LAMA3: variants seen among roughly 807,000 people sequenced by gnomAD.
The protein encoded by LAMA3 is laminin subunit alpha 3, also known as laminin subunit alpha-3.
Under a neutral mutation model 402.0 loss-of-function variants are expected in LAMA3, and 281 were observed. That is an observed-to-expected ratio of 0.70 (90% CI 0.63 to 0.77). LAMA3 has a LOEUF of 0.77. Ranked by LOEUF, LAMA3 falls within the 30% of genes least tolerant of loss-of-function variation. The pLI is 0.00. For missense variants in LAMA3, 3,840 were observed against 4,215.5 expected (o/e 0.91, Z 2.47); for synonymous variants, 1,431 against 1,558.4 (o/e 0.92, Z 1.93).
chr18:23,861,172 CT>C (rs144307749), intron 34 of LAMA3, among the ~76,000 whole-genome samples: 17 of 148,804 alleles, frequency 1.1e-4, no homozygotes, highest in South Asian at 8.5e-4. Flanking sequence ...TCAGTTCTTT[CT>C]TTTTTTTTTA....
chr18:23,865,257 G>A (rs549709206), intron 36 of LAMA3, among the ~76,000 whole-genome samples: 6 of 152,204 alleles, frequency 3.9e-5, no homozygotes, highest in South Asian at 4.1e-4. Context: ...GCCTCCCCAA[G>A]CACTGGAGTT....
chr18:23,902,184 G>C (rs1041807466), intron 48 of LAMA3, among the ~76,000 whole-genome samples: 6 of 152,176 alleles, frequency 3.9e-5, no homozygotes, highest in Admixed American at 1.3e-4. Flanking sequence ...AAATTAGCTG[G>C]TCATAGTGGC....
Position 23,758,531 on chromosome 18 carries a change from G to T in LAMA3, c.1063+20G>T, listed in dbSNP as rs2061900583. ...GTGAAGGTGGGTGTGGGGATGGGGT[G>T]GGGGCCACACGTGGCCTTCTCCCCC... is the stretch of plus-strand genomic sequence containing the variant. On this transcript the variant is annotated intron_variant, in intron 7 of 74. Coordinates refer to ENST00000313654, the MANE Select transcript of LAMA3 (RefSeq NM_198129.4). 2 of 1,551,304 alleles carry T rather than the reference G, an allele frequency of 1.3e-6. No individual in the cohort carries two copies. Among genetic ancestry groups the T allele is most frequent in the African/African-American group, 1.6e-5 (1 of 60,948 alleles).
intron 58 of LAMA3, 61 bp downstream of exon 58, chr18:23,914,921 A>G: frequency 7.6e-7 from 1 of 1,308,080 alleles, no homozygotes; most frequent in East Asian, 2.4e-5. Context: ...TATGGTGATG[A>G]CCTCATGTCT....
rs979110303 is a variant in LAMA3, at chr18:23,879,622, C to T, written c.5113-2314C>T. Among the ~76,000 whole-genome samples the T allele has an allele frequency of 6.6e-6, 1 of 152,188 alleles. No homozygotes were observed. The highest frequency in any genetic ancestry group is 1.9e-4 in the East Asian group (1 of 5,202). On this transcript the variant is annotated intron_variant, in intron 39 of 74. Transcript: ENST00000313654. This position sits in a 1 kb window ranked among gnomAD's most constrained non-coding sequence, Gnocchi z 4.2. Reference sequence around the variant, plus strand: ...GGTGACAAATGGAGCTAGGAGAGCACGTGCCATGGGAGTGGACGTGGGCTT... The same window carrying T: ...GGTGACAAATGGAGCTAGGAGAGCATGTGCCATGGGAGTGGACGTGGGCTT...
rs886748050 is a variant in LAMA3 at position 23,757,124 on chromosome 18, G to A, written c.948-1272G>A. On this transcript the variant is annotated intron_variant, in intron 6 of 74. Transcript: ENST00000313654. ...AAACCCAGCCTCCTGGACCAACCCAGCCCGGAATTAGAAGCCTAGGACGCC... is the reference window on the plus strand; with the variant it reads ...AAACCCAGCCTCCTGGACCAACCCAACCCGGAATTAGAAGCCTAGGACGCC... Among the ~76,000 whole-genome samples, 68 of 151,996 alleles carry A rather than the reference G, an allele frequency of 4.5e-4. 1 individual carries two copies. Among genetic ancestry groups the A allele is most frequent in the African/African-American group, 1.6e-3 (65 of 41,482 alleles).
Position 23,815,591 on chromosome 18 carries a change from G to A in LAMA3, c.2047+18G>A. 1 of 1,520,306 alleles carries A rather than the reference G, an allele frequency of 6.6e-7. No individual in the cohort carries two copies. Among genetic ancestry groups the A allele is most frequent in the Non-Finnish European group, 9.1e-7 (1 of 1,094,490 alleles). The allele number at this position is 1,520,306 out of a possible 1,614,324, so 94.2% of individuals were successfully genotyped here. On this transcript the variant is annotated intron_variant, in intron 17 of 74. Transcript: ENST00000313654. ...GTGTCAAGGTAAATAAGTCCATTGG[G>A]CCCTGAGCAAAGCACAGTGTTGATG... is the stretch of plus-strand genomic sequence containing the variant.
chr18:23,949,751 C>T lies in LAMA3; in HGVS notation c.9352-14C>T. On this transcript the variant is annotated splice_polypyrimidine_tract_variant and intron_variant, in intron 70 of 74. Coordinates refer to ENST00000313654, the MANE Select transcript of LAMA3 (RefSeq NM_198129.4). ...GTGTAGGTAATGAGCTTTTTCTTTT[C>T]TGCTTGGTTGCAGAGCCTCCCCACA... 1 of 1,613,646 alleles carries T rather than the reference C, an allele frequency of 6.2e-7. No homozygotes were observed. Among genetic ancestry groups the T allele is most frequent in the Non-Finnish European group, 8.5e-7 (1 of 1,179,922 alleles).
At chr18:23,863,444 C>CAACAA (rs1012021140) in intron 35 of LAMA3, among the ~76,000 whole-genome samples, 33 of 152,128 alleles carry the variant, frequency 2.2e-4, no homozygotes, top group Non-Finnish European at 1.8e-4. Context: ...GACTCCATCT[C>CAACAA]AACAAAACAA....
In LAMA3 at chr18:23,725,311, G is replaced by A. The variant is rs540503590; in HGVS notation, c.447+11239G>A. Among the ~76,000 whole-genome samples, 21 of 152,214 alleles carry A rather than the reference G, an allele frequency of 1.4e-4. No homozygotes were observed. The South Asian group carries it at 1.7e-3, about 12-fold the overall frequency. On this transcript the variant is annotated intron_variant, in intron 2 of 74. Coordinates refer to ENST00000313654, the MANE Select transcript of LAMA3 (RefSeq NM_198129.4). Reference sequence around the variant, plus strand: ...TTTTTAGTAGAGACGGGGTTCCACCGTGTTGGTCAGGCTGGTCTTGAACTC... The same window carrying A: ...TTTTTAGTAGAGACGGGGTTCCACCATGTTGGTCAGGCTGGTCTTGAACTC...
chr18:23,726,809 G>A (rs2061308535), intron 2 of LAMA3, among the ~76,000 whole-genome samples: 1 of 151,930 alleles, frequency 6.6e-6, no homozygotes, highest in African/African-American at 2.4e-5. Context: ...GTACAGACGG[G>A]GTTTCACCAT....
chr18:23,806,076 CA>C (rs2062956633), intron 12 of LAMA3, among the ~76,000 whole-genome samples: 3 of 152,234 alleles, frequency 2.0e-5, no homozygotes, highest in Non-Finnish European at 4.4e-5. Flanking sequence ...ACACCATGAT[CA>C]ACTAGTCAGC....
chr18:23,835,731 T>A (rs908706087), intron 24 of LAMA3, among the ~76,000 whole-genome samples: 2 of 152,146 alleles, frequency 1.3e-5, no homozygotes, highest in African/African-American at 2.4e-5. Flanking sequence ...GTCCAAAAAA[T>A]ATGGCGCAAC....
In LAMA3 at chr18:23,784,097, G is replaced by A. The variant is rs2062492252; in HGVS notation, c.1543G>A (p.Val515Ile). The change falls in exon 12 of 75, where the codon GTT becomes ATT. Residue 515 changes from valine to isoleucine, a missense_variant. Val to Ile is a conservative substitution (Grantham distance 29). Around this residue, in one of 3 missense-constraint regions of LAMA3, gnomAD observed 2,109 missense variants for 2,376.0 expected, o/e 0.89. Coordinates refer to ENST00000313654, the MANE Select transcript of LAMA3 (RefSeq NM_198129.4). ...AHGRCLCRPGVEGPRCDTCRS... is the reference protein window; with the variant it reads ...AHGRCLCRPGIEGPRCDTCRS... The stretch of plus-strand genomic sequence containing the variant: ...CGGACGGTGCCTGTGCCGCCCTGGG[G>A]TTGAGGGCCCTCGATGTGATACCTG... 6.2e-7 allele frequency: 1 copy of A among 1,613,994 alleles called. No homozygotes were observed. Among genetic ancestry groups the A allele is most frequent in the African/African-American group, 1.3e-5 (1 of 74,890 alleles).
chr18:23,758,904 A>G (rs2061910450), intron 7 of LAMA3, among the ~76,000 whole-genome samples: 1 of 152,176 alleles, frequency 6.6e-6, no homozygotes, highest in African/African-American at 2.4e-5. Context: ...GGTTGAGTCT[A>G]AACAGGGAGC....
Position 23,846,196 on chromosome 18 carries a change from C to G in LAMA3, c.3720-101C>G, listed in dbSNP as rs943664079. 2.6e-6 allele frequency: 3 copies of G among 1,160,022 alleles called. No individual in the cohort carries two copies. The East Asian group carries it at 7.0e-5, about 27-fold the overall frequency. 71.9% of individuals were successfully genotyped at this position (1,160,022 alleles called of 1,614,324 possible). On this transcript the variant is annotated intron_variant, in intron 30 of 74. Coordinates refer to ENST00000313654, the MANE Select transcript of LAMA3 (RefSeq NM_198129.4). ...CTGACTCCAGAACCATGAGCCCGTC[C>G]CACAGATGCTGCTGGGTGGAGCAGG...
chr18:23,797,990 T>C (rs1459997721), intron 12 of LAMA3, among the ~76,000 whole-genome samples: 1 of 152,210 alleles, frequency 6.6e-6, no homozygotes, highest in African/African-American at 2.4e-5. Context: ...TGTGGGTTTT[T>C]TGACTCTATC....
chr18:23,826,766 A>T lies in LAMA3; in HGVS notation c.2636A>T (p.Glu879Val). The T allele has an allele frequency of 2.6e-6, 4 of 1,567,358 alleles. No homozygotes were observed. The highest frequency in any genetic ancestry group is 3.3e-4 in the Middle Eastern group (2 of 5,994). ...TCTGTACTGCAGCTGCCAGTCACAG[A>T]ACCATGTGCCTACGCAGGACCTCCC... ...EASVLQLPVT[E>V]PCAYAGPPQE... The change falls in exon 22 of 75, where the codon GAA (glutamate) becomes GTA (valine). Residue 879 changes from glutamate to valine, a missense_variant. This residue lies in a region of LAMA3 where 2,109 missense variants were observed against 2,376.0 expected (regional missense o/e 0.89). Coordinates refer to ENST00000313654, the MANE Select transcript of LAMA3 (RefSeq NM_198129.4).
intron 24 of LAMA3, chr18:23,834,351 G>A (rs570157153): frequency 6.7e-6 from 2 of 298,662 alleles, no homozygotes; most frequent in South Asian, 3.4e-5. Flanking sequence ...CATAGCACAA[G>A]GAAAAAGACT....
Sources: allele counts gnomAD v4.1 joint callset (sites outside exome capture counted in the v4.1 genomes callset), GRCh38; gene constraint gnomAD v4.1.1; regional missense constraint gnomAD v4.1.1; non-coding constraint Gnocchi (gnomAD v3.1); transcripts MANE v1.5; gene names NCBI Gene and HGNC (gene_info 2026-07-23, HGNC 2026-07-21).